WRAP53: variants seen among roughly 807,000 people sequenced by gnomAD.
The protein encoded by WRAP53 is telomerase Cajal body protein 1.
A neutral mutation model predicts 56.6 loss-of-function variants in WRAP53; 28 were observed. That is an observed-to-expected ratio of 0.50 (90% CI 0.37 to 0.68). WRAP53 has a LOEUF of 0.68. WRAP53 is among the 30% of genes least tolerant of loss of function. The pLI, the probability that WRAP53 is intolerant of heterozygous loss-of-function variation, is 0.00. For missense variants in WRAP53, 671 were observed against 715.5 expected (o/e 0.94, Z 0.71); for synonymous variants, 283 against 283.4 (o/e 1.00, Z 0.01).
chr17:7,694,190 T>TA lies in WRAP53; in HGVS notation c.642+4495dup, dbSNP rs1446478803. On this transcript the variant is annotated intron_variant, in intron 4 of 10. Transcript: ENST00000396463. ...TAATGATTATAATATTAAAACATTT[T>TA]AAAAAATATATCTTGCAATACAGAT... is the stretch of plus-strand genomic sequence containing the variant. Among the ~76,000 whole-genome samples, 7 of 151,934 alleles carry TA rather than the reference T, an allele frequency of 4.6e-5. 1 individual carries two copies. The highest frequency in any genetic ancestry group is 1.5e-5 in the Non-Finnish European group (1 of 67,968).
chr17:7,693,563 A>T (rs1748231341), intron 4 of WRAP53, among the ~76,000 whole-genome samples: 1 of 152,090 alleles, frequency 6.6e-6, no homozygotes, highest in African/African-American at 2.4e-5. Context: ...TACTAAAAAT[A>T]CAAAAATTAG....
chr17:7,701,310 G>T lies in WRAP53; in HGVS notation c.732-149G>T. The T allele has an allele frequency of 2.5e-6, 2 of 809,802 alleles. No individual in the cohort carries two copies. Among genetic ancestry groups the T allele is most frequent in the Non-Finnish European group, 2.1e-6 (1 of 467,726 alleles). 50.2% of individuals were successfully genotyped at this position (809,802 alleles called of 1,614,324 possible). On this transcript the variant is annotated intron_variant, in intron 5 of 10. Coordinates refer to ENST00000396463, the MANE Select transcript of WRAP53 (RefSeq NM_001143992.2). The surrounding 1 kb of genome is among the most constrained non-coding windows in gnomAD (Gnocchi z 4.2). ...AGTAGAGACAGGGTTTCACCATGTTGGCCAGGCTGGTCTCGAACTCCTGAC... is the reference window on the plus strand; with the variant it reads ...AGTAGAGACAGGGTTTCACCATGTTTGCCAGGCTGGTCTCGAACTCCTGAC...
Position 7,699,468 on chromosome 17 carries a change from A to ATATATT in WRAP53, c.643-1268_643-1267insTTATAT, listed in dbSNP as rs1567577288. On this transcript the variant is annotated intron_variant, in intron 4 of 10. Coordinates refer to ENST00000396463, the MANE Select transcript of WRAP53 (RefSeq NM_001143992.2). ...TATATATATATATATTTATATATAT[A>ATATATT]TATATATTTATATATATATATATAT... Among the ~76,000 whole-genome samples the ATATATT allele has an allele frequency of 5.8e-4, 9 of 15,472 alleles. 1 individual carries two copies. Among genetic ancestry groups the ATATATT allele is most frequent in the Non-Finnish European group, 9.2e-4 (8 of 8,716 alleles). The allele number at this position is 15,472 out of a possible 152,430, so 10.2% of individuals were successfully genotyped here.
At chr17:7,699,488 A>ATATATT (rs2074237934) in intron 4 of WRAP53, among the ~76,000 whole-genome samples, 1 of 14,154 alleles carries the variant, frequency 7.1e-5, no homozygotes, top group Non-Finnish European at 1.2e-4. Context: ...ATATATATAT[A>ATATATT]TATATATATA....
chr17:7,691,319 G>C (rs375257423), intron 4 of WRAP53, among the ~76,000 whole-genome samples: 1 of 151,916 alleles, frequency 6.6e-6, no homozygotes, highest in Non-Finnish European at 1.5e-5. Flanking sequence ...TGAGGACAGA[G>C]AAGAGCAGCC....
chr17:7,688,963 T>G lies in WRAP53; in HGVS notation c.315T>G (p.Pro105=). The G allele has an allele frequency of 6.2e-7, 1 of 1,614,132 alleles. No individual in the cohort carries two copies. Among genetic ancestry groups the G allele is most frequent in the Admixed American group, 1.7e-5 (1 of 60,006 alleles). ...EQELSENTSL[P]AEEANGSLSE... is the part of the protein sequence containing the mutation. ...AACTTTCTGAAAATACAAGCCTTCC[T>G]GCAGAAGAAGCAAACGGGAGCCTTT... is the stretch of plus-strand genomic sequence containing the variant. Residue 105 remains proline, a synonymous_variant, in exon 2 of 11, where the codon CCT becomes CCG. Transcript: ENST00000396463.
chr17:7,693,225 G>C (rs1002241961), intron 4 of WRAP53, among the ~76,000 whole-genome samples: 1 of 148,002 alleles, frequency 6.8e-6, no homozygotes, highest in Non-Finnish European at 1.5e-5. Flanking sequence ...GACCCACCAA[G>C]GCATGTGGCA....
intron 4 of WRAP53, among the ~76,000 whole-genome samples, chr17:7,691,113 G>A (rs568399285): frequency 1.3e-5 from 2 of 151,994 alleles, no homozygotes; most frequent in East Asian, 3.9e-4. Flanking sequence ...AGAGGCTGAA[G>A]CAGAAGAATC....
At chr17:7,699,453 T>C (rs2074230191) in intron 4 of WRAP53, among the ~76,000 whole-genome samples, 2 of 42,818 alleles carry the variant, frequency 4.7e-5, no homozygotes, top group Middle Eastern at 0.018. Context: ...TATATATATA[T>C]ATATTTATAT....
upstream of WRAP53, chr17:7,687,582 AC>A (rs1178636729): frequency 2.5e-6 from 1 of 398,720 alleles, no homozygotes; most frequent in African/African-American, 2.1e-5. Context: ...ACAAAGCTGG[AC>A]AGTCGCCATG....
chr17:7,696,835 G>A (rs894201280), intron 4 of WRAP53, among the ~76,000 whole-genome samples: 2 of 152,072 alleles, frequency 1.3e-5, no homozygotes, highest in African/African-American at 2.4e-5. Flanking sequence ...GGTGGATGCC[G>A]GGCCTATTAT....
intron 4 of WRAP53, among the ~76,000 whole-genome samples, chr17:7,696,695 T>G (rs1209783044): frequency 6.6e-6 from 1 of 152,106 alleles, no homozygotes; most frequent in Non-Finnish European, 1.5e-5. Context: ...GAGGAGGAAC[T>G]GGCAAGATTT....
In WRAP53 at chr17:7,701,420, T is replaced by G; in HGVS notation, c.732-39T>G. 1 of 1,611,336 alleles carries G rather than the reference T, an allele frequency of 6.2e-7. No individual in the cohort carries two copies. Among genetic ancestry groups the G allele is most frequent in the Non-Finnish European group, 8.5e-7 (1 of 1,177,476 alleles). On this transcript the variant is annotated intron_variant, in intron 5 of 10. Coordinates refer to ENST00000396463, the MANE Select transcript of WRAP53 (RefSeq NM_001143992.2). This position sits in a 1 kb window ranked among gnomAD's most constrained non-coding sequence, Gnocchi z 4.2. ...GTGCCCGGCCATTCCTCCCCTTCCT[T>G]TGACAGCACCGGGGTTTCAGTGTCC... is the stretch of plus-strand genomic sequence containing the variant.
rs374902947 is a variant in WRAP53, at chr17:7,700,485, T to TAA, written c.643-246_643-245dup. ...CATCATGGTGAAACCCTGTCTCTAT[T>TAA]AAAAAAAAAAACAAAAACAAAATTA... On this transcript the variant is annotated intron_variant, in intron 4 of 10. Transcript: ENST00000396463. 0.029 allele frequency among the ~76,000 whole-genome samples: 4,051 copies of TAA among 141,174 alleles called. 177 individuals are homozygous for TAA. Among genetic ancestry groups the TAA allele is most frequent in the African/African-American group, 0.096 (3,701 of 38,690 alleles). 92.6% of individuals were successfully genotyped at this position (141,174 alleles called of 152,430 possible).
intron 4 of WRAP53, among the ~76,000 whole-genome samples, chr17:7,697,608 A>G (rs11659090): frequency 0.39 from 59,002 of 151,292 alleles, 17,006 homozygotes; most frequent in African/African-American, 0.81. Context: ...GTAGTGAGCC[A>G]AGATCGTGCC....
intron 4 of WRAP53, among the ~76,000 whole-genome samples, chr17:7,691,017 C>T (rs2078645517): frequency 6.6e-6 from 1 of 152,048 alleles, no homozygotes; most frequent in South Asian, 2.1e-4. Flanking sequence ...TGAGACCAGC[C>T]TGGCCAACAT....
intron 4 of WRAP53, among the ~76,000 whole-genome samples, chr17:7,698,995 G>C (rs1193141011): frequency 6.6e-6 from 1 of 151,978 alleles, no homozygotes; most frequent in Non-Finnish European, 1.5e-5. Flanking sequence ...AGGAGTTTGA[G>C]GTTTCAGTGA....
Position 7,701,707 on chromosome 17 carries a change from G to A in WRAP53, c.873G>A (p.Gln291=). The A allele has an allele frequency of 6.2e-7, 1 of 1,614,228 alleles. No individual in the cohort carries two copies. Among genetic ancestry groups the A allele is most frequent in the Non-Finnish European group, 8.5e-7 (1 of 1,180,038 alleles). ...TCTGCTTCTCCCCGGATGGCTCCCA[G>A]CTCTTCTGTGGCTTCAACCGGACTG... is the stretch of plus-strand genomic sequence containing the variant. ...HSLCFSPDGS[Q]LFCGFNRTVR... is the part of the protein sequence containing the mutation. Residue 291 remains glutamine, a synonymous_variant, in exon 7 of 11, where the codon CAG becomes CAA. Coordinates refer to ENST00000396463, the MANE Select transcript of WRAP53 (RefSeq NM_001143992.2). This position sits in a 1 kb window ranked among gnomAD's most constrained non-coding sequence, Gnocchi z 4.2.
Position 7,688,928 on chromosome 17 carries a change from G to A in WRAP53, c.280G>A (p.Glu94Lys), listed in dbSNP as rs554392556. 57 of 1,614,130 alleles carry A rather than the reference G, an allele frequency of 3.5e-5. No homozygotes were observed. The highest frequency in any genetic ancestry group is 1.6e-4 in the Middle Eastern group (1 of 6,062). ...GSPSELSPRIEEQELSENTSL... is the reference protein window; with the variant it reads ...GSPSELSPRIKEQELSENTSL... ...CCCTAGTGAGTTGAGTCCTCGAATC[G>A]AGGAGCAAGAACTTTCTGAAAATAC... The change falls in exon 2 of 11, where the codon GAG becomes AAG. Residue 94 changes from glutamate (E) to lysine (K), a missense_variant. By Grantham distance (56) the Glu-to-Lys change is moderately conservative. Transcript: ENST00000396463.
Sources: allele counts gnomAD v4.1 joint callset (sites outside exome capture counted in the v4.1 genomes callset), GRCh38; gene constraint gnomAD v4.1.1; non-coding constraint Gnocchi (gnomAD v3.1); transcripts MANE v1.5; gene names NCBI Gene and HGNC (gene_info 2026-07-23, HGNC 2026-07-21).